Variants in FRAS1 observed in about 807,000 individuals in gnomAD.
The protein encoded by FRAS1 is Fraser extracellular matrix complex subunit 1.
Under a neutral mutation model 435.2 loss-of-function variants are expected in FRAS1, and 290 were observed. The observed-to-expected ratio is 0.67, with a 90% CI of 0.61 to 0.73. FRAS1 has a LOEUF of 0.73. FRAS1 is among the 30% of genes least tolerant of loss of function. The pLI, the probability that FRAS1 is intolerant of heterozygous loss-of-function variation, is 0.00. For synonymous variants in FRAS1, 1,800 were observed against 1,851.0 expected, an observed-to-expected ratio of 0.97 and a Z score of 0.71; for missense variants, 4,860 against 5,001.5, an observed-to-expected ratio of 0.97 and a Z score of 0.85.
intron 2 of FRAS1, among the ~76,000 whole-genome samples, chr4:78,150,742 T>G (rs1321417350): frequency 6.6e-6 from 1 of 151,922 alleles, no homozygotes; most frequent in Non-Finnish European, 1.5e-5. Flanking sequence ...CCAAAGCCTG[T>G]GAGATTGATT....
chr4:78,511,069 C>T (rs1560419490), intron 63 of FRAS1, among the ~76,000 whole-genome samples: 1 of 152,162 alleles, frequency 6.6e-6, no homozygotes, highest in Non-Finnish European at 1.5e-5. Flanking sequence ...CTATCTTACC[C>T]CCTTAGGCTA....
chr4:78,152,607 CTTTTTTTTTTT>C (rs71214398), intron 2 of FRAS1, among the ~76,000 whole-genome samples: 86 of 72,428 alleles, frequency 1.2e-3, no homozygotes, highest in African/African-American at 4.4e-3. Context: ...ATGTAGGCTG[CTTTTTTTTTTT>C]TTTTTTTTTT....
rs539948130 is a variant in FRAS1, at chr4:78,458,183, G to A, written c.6763+5829G>A. Among the ~76,000 whole-genome samples, 8 of 152,270 alleles carry A rather than the reference G, an allele frequency of 5.3e-5. No homozygotes were observed. In the East Asian group the frequency reaches 1.2e-3, roughly 22 times the overall value. ...GCAGGATAGTTAAACCTCTTCAGTTGTGCATGCATCCTCAGCCCACTCATA... is the reference window on the plus strand; with the variant it reads ...GCAGGATAGTTAAACCTCTTCAGTTATGCATGCATCCTCAGCCCACTCATA... On this transcript the variant is annotated intron_variant, in intron 47 of 73. Coordinates refer to ENST00000512123, the MANE Select transcript of FRAS1 (RefSeq NM_025074.7).
chr4:78,496,228 G>C (rs187831093), intron 59 of FRAS1, among the ~76,000 whole-genome samples: 1 of 152,246 alleles, frequency 6.6e-6, no homozygotes, highest in Non-Finnish European at 1.5e-5. Flanking sequence ...ACAGGGATTT[G>C]GATTGTGGTC....
At chr4:78,508,582 C>G in intron 62 of FRAS1, 149 bp from the exon 63 acceptor site, 1 of 758,256 alleles carries the variant, frequency 1.3e-6, no homozygotes, top group South Asian at 2.0e-5. Flanking sequence ...TTTAAGGATG[C>G]CTGGCAAAGA....
intron 36 of FRAS1, among the ~76,000 whole-genome samples, chr4:78,429,813 A>G (rs1734142116): frequency 6.6e-6 from 1 of 152,214 alleles, no homozygotes; most frequent in Admixed American, 6.5e-5. Flanking sequence ...ATTAATTTTT[A>G]CCAAACTTAC....
intron 2 of FRAS1, among the ~76,000 whole-genome samples, chr4:78,186,676 A>T (rs1028862466): frequency 2.6e-5 from 4 of 152,222 alleles, no homozygotes; most frequent in African/African-American, 9.6e-5. Flanking sequence ...ATGATTTCCC[A>T]GTAGACAACA....
intron 55 of FRAS1, among the ~76,000 whole-genome samples, chr4:78,478,963 G>A (rs1464769229): frequency 6.6e-6 from 1 of 152,142 alleles, no homozygotes; most frequent in Non-Finnish European, 1.5e-5. Flanking sequence ...GTTTCTTTCT[G>A]GGAATTAAAG....
chr4:78,190,571 C>T (rs1722488594), intron 2 of FRAS1, among the ~76,000 whole-genome samples: 1 of 151,448 alleles, frequency 6.6e-6, no homozygotes, highest in Non-Finnish European at 1.5e-5. Context: ...CCCTTCTTTC[C>T]TTCTTTCTTT....
intron 2 of FRAS1, among the ~76,000 whole-genome samples, chr4:78,166,364 T>C (rs1331302601): frequency 6.6e-6 from 1 of 152,102 alleles, no homozygotes; most frequent in Non-Finnish European, 1.5e-5. Flanking sequence ...ACAAATATGG[T>C]CTGGAATTAT....
In FRAS1 at chr4:78,343,683, GC is replaced by G. The variant is rs546310079; in HGVS notation, c.2422+5867del. 1.2e-4 allele frequency among the ~76,000 whole-genome samples: 18 copies of G among 152,268 alleles called. No homozygotes were observed. In the South Asian group the frequency reaches 3.7e-3, roughly 32 times the overall value. The stretch of plus-strand genomic sequence containing the variant: ...AAGTAAAATTGCTCAAATTTAAAGA[GC>G]AACACATCTTTATTTTGGAATAAGC... On this transcript the variant is annotated intron_variant, in intron 20 of 73. Coordinates refer to ENST00000512123, the MANE Select transcript of FRAS1 (RefSeq NM_025074.7).
chr4:78,315,869 A>C, intron 16 of FRAS1, 135 bp downstream of exon 16: 1 of 967,302 alleles, frequency 1.0e-6, no homozygotes, highest in Non-Finnish European at 1.6e-6. Context: ...AGCTTTTTTC[A>C]TTATGAAGCC....
chr4:78,432,079 A>G (rs139122984), intron 37 of FRAS1, among the ~76,000 whole-genome samples: 2 of 152,326 alleles, frequency 1.3e-5, no homozygotes, highest in African/African-American at 4.8e-5. Context: ...TTAGCTCAAT[A>G]TGATTAAGAA....
At chr4:78,373,680 AGCCAGAATC>A (rs1731603303) in intron 24 of FRAS1, among the ~76,000 whole-genome samples, 1 of 151,944 alleles carries the variant, frequency 6.6e-6, no homozygotes, top group South Asian at 2.1e-4. Flanking sequence ...AGGAAGGCTA[AGCCAGAATC>A]GCTTGAACCC....
intron 66 of FRAS1, among the ~76,000 whole-genome samples, chr4:78,516,890 T>C (rs1283070662): frequency 6.6e-6 from 1 of 152,160 alleles, no homozygotes; most frequent in African/African-American, 2.4e-5. Flanking sequence ...CAAGATGAGA[T>C]TTGGGTGGGG....
intron 20 of FRAS1, among the ~76,000 whole-genome samples, chr4:78,358,533 A>G (rs1363732375): frequency 8.2e-6 from 1 of 121,314 alleles, no homozygotes; most frequent in Non-Finnish European, 1.8e-5. Flanking sequence ...CAGTTTCCTC[A>G]TTTATAAAAT....
chr4:78,298,585 C>T (rs1728256326), intron 14 of FRAS1, among the ~76,000 whole-genome samples: 1 of 152,150 alleles, frequency 6.6e-6, no homozygotes, highest in South Asian at 2.1e-4. Context: ...GATGCAGCGT[C>T]AGTATTTATC....
intron 2 of FRAS1, among the ~76,000 whole-genome samples, chr4:78,142,218 A>G (rs1720224547): frequency 6.6e-6 from 1 of 152,044 alleles, no homozygotes; most frequent in Non-Finnish European, 1.5e-5. Flanking sequence ...GCTGCATCCT[A>G]TGAGTAAGAG....
intron 61 of FRAS1, among the ~76,000 whole-genome samples, chr4:78,506,627 C>T (rs879420591): frequency 3.9e-5 from 6 of 152,180 alleles, no homozygotes; most frequent in Admixed American, 6.5e-5. Flanking sequence ...TTTGGGCAGG[C>T]GTGTCCCATT....
Sources: gnomAD v4.1 joint callset for allele counts (sites outside exome capture counted in the v4.1 genomes callset) on GRCh38, gnomAD v4.1.1 for gene constraint, MANE v1.5 for transcripts, NCBI Gene and HGNC (gene_info 2026-07-23, HGNC 2026-07-21) for gene names.